SLIT2: variants seen among roughly 807,000 people sequenced by gnomAD.
The protein encoded by SLIT2 is slit homolog 2 protein.
A neutral mutation model predicts 185.7 loss-of-function variants in SLIT2; 41 were observed. That is an observed-to-expected ratio of 0.22 (90% CI 0.17 to 0.29). SLIT2 has a LOEUF of 0.29. Ranked by LOEUF, SLIT2 falls within the 10% of genes least tolerant of loss-of-function variation. The pLI is 1.00. For missense variants in SLIT2, 1,571 were observed against 1,909.0 expected, an observed-to-expected ratio of 0.82 and a Z score of 3.30; for synonymous variants, 693 against 680.2, an observed-to-expected ratio of 1.02 and a Z score of -0.29.
intron 4 of SLIT2, among the ~76,000 whole-genome samples, chr4:20,375,925 C>A: frequency 6.6e-6 from 1 of 151,808 alleles, no homozygotes; most frequent in East Asian, 1.9e-4. Context: ...ACAGAACCAC[C>A]ACGAGCTTGT....
At chr4:20,510,402 C>A in intron 9 of SLIT2, 93 bp from the exon 10 acceptor site, 1 of 824,246 alleles carries the variant, frequency 1.2e-6, no homozygotes, top group South Asian at 1.5e-5. Flanking sequence ...TGAAGAACAT[C>A]AACTTTACTT....
At chr4:20,448,623 A>G (rs576350258) in intron 4 of SLIT2, among the ~76,000 whole-genome samples, 1 of 151,818 alleles carries the variant, frequency 6.6e-6, no homozygotes, top group Non-Finnish European at 1.5e-5. Context: ...AGCTGGCCCC[A>G]AAGTATTATT....
At chr4:20,495,456 G>A (rs1191833726) in intron 9 of SLIT2, among the ~76,000 whole-genome samples, 1 of 152,136 alleles carries the variant, frequency 6.6e-6, no homozygotes, top group Non-Finnish European at 1.5e-5. Context: ...AGAAGAGTAA[G>A]ATGGAGACAT....
intron 3 of SLIT2, among the ~76,000 whole-genome samples, chr4:20,263,236 A>G (rs1385510557): frequency 6.6e-6 from 1 of 151,762 alleles, no homozygotes; most frequent in Non-Finnish European, 1.5e-5. Flanking sequence ...TGTTTTTTCA[A>G]ACCAAGTGTT....
chr4:20,446,127 C>G (rs902988321), intron 4 of SLIT2, among the ~76,000 whole-genome samples: 4 of 152,126 alleles, frequency 2.6e-5, no homozygotes, highest in Non-Finnish European at 5.9e-5. Context: ...TTCCTTTGAC[C>G]TTTCTTCGAA....
At chr4:20,336,997 G>A (rs541236403) in intron 4 of SLIT2, among the ~76,000 whole-genome samples, 6 of 152,180 alleles carry the variant, frequency 3.9e-5, no homozygotes, top group South Asian at 4.1e-4. Context: ...TTTCTTCAGG[G>A]GTCCAATTGC....
intron 11 of SLIT2, among the ~76,000 whole-genome samples, chr4:20,515,446 CT>C (rs1720111202): frequency 6.6e-6 from 1 of 151,982 alleles, no homozygotes; most frequent in African/African-American, 2.4e-5. Flanking sequence ...TCCTTATTTC[CT>C]TAACTAGCTC....
intron 4 of SLIT2, among the ~76,000 whole-genome samples, chr4:20,351,944 T>C (rs1419233077): frequency 1.3e-5 from 2 of 152,214 alleles, no homozygotes; most frequent in African/African-American, 4.8e-5. Flanking sequence ...CATTTATTCT[T>C]GATTGGCATA....
At chr4:20,534,104 G>C (rs773154284) in intron 18 of SLIT2, among the ~76,000 whole-genome samples, 3 of 152,222 alleles carry the variant, frequency 2.0e-5, no homozygotes, top group Admixed American at 6.5e-5. Flanking sequence ...TGACTACCCT[G>C]TCCTGCCTCA....
chr4:20,550,326 T>G (rs910742382), intron 24 of SLIT2, among the ~76,000 whole-genome samples: 1 of 152,000 alleles, frequency 6.6e-6, no homozygotes, highest in Non-Finnish European at 1.5e-5. Flanking sequence ...TCCTTATTAA[T>G]GTAGATATCT....
intron 4 of SLIT2, among the ~76,000 whole-genome samples, chr4:20,387,747 A>C (rs914358380): frequency 1.3e-5 from 2 of 152,114 alleles, no homozygotes; most frequent in African/African-American, 2.4e-5. Context: ...CAGCAAGACA[A>C]TGAAGACCTC....
rs560992909 is a variant in SLIT2, at chr4:20,382,009, A to G, written c.396-85743A>G. ...TTTTAAAAATTTAATAAATCAGTAT[A>G]TCAATAAATAAAAAATGTGATACAT... On this transcript the variant is annotated intron_variant, in intron 4 of 36. Coordinates refer to ENST00000504154, the MANE Select transcript of SLIT2 (RefSeq NM_004787.4). 3.3e-5 allele frequency among the ~76,000 whole-genome samples: 5 copies of G among 152,250 alleles called. No homozygotes were observed. In the East Asian group the frequency reaches 9.7e-4, roughly 29 times the overall value.
In SLIT2 at chr4:20,254,498, G is replaced by A. The variant is rs965146073; in HGVS notation, c.179+504G>A. Among the ~76,000 whole-genome samples, 1 of 152,110 alleles carries A rather than the reference G, an allele frequency of 6.6e-6. No individual in the cohort carries two copies. Among genetic ancestry groups the A allele is most frequent in the Admixed American group, 6.5e-5 (1 of 15,278 alleles). On this transcript the variant is annotated intron_variant, in intron 1 of 36. Transcript: ENST00000504154. The surrounding 1 kb of genome is among the most constrained non-coding windows in gnomAD (Gnocchi z 5.1). ...TTTTGTCACCCTCCTGGGGGCGAAG[G>A]TTAGGAAGAAGGGGTCATGGAGTGC...
intron 5 of SLIT2, among the ~76,000 whole-genome samples, chr4:20,470,261 A>G (rs1394388953): frequency 6.6e-6 from 1 of 152,214 alleles, no homozygotes; most frequent in African/African-American, 2.4e-5. Context: ...TGAAATGATT[A>G]GCAATATTGA....
At chr4:20,598,144 A>G (rs1334562667) in intron 32 of SLIT2, 121 bp from the exon 33 acceptor site, 1 of 837,590 alleles carries the variant, frequency 1.2e-6, no homozygotes, top group Non-Finnish European at 1.8e-6. Context: ...TCGTTTTCTC[A>G]TAGCCATCAG....
intron 4 of SLIT2, among the ~76,000 whole-genome samples, chr4:20,409,654 T>C (rs1727049139): frequency 6.6e-6 from 1 of 152,216 alleles, no homozygotes; most frequent in South Asian, 2.1e-4. Flanking sequence ...CACACTGTGT[T>C]CCACAATGGT....
chr4:20,525,207 C>T (rs370281823), intron 15 of SLIT2, 35 bp downstream of exon 15: 4 of 1,502,312 alleles, frequency 2.7e-6, no homozygotes, highest in Non-Finnish European at 3.7e-6. Context: ...TAACTACAGA[C>T]ACCCTTTCCT....
chr4:20,521,791 ATGTAGCACC>A (rs1475209269), intron 12 of SLIT2, among the ~76,000 whole-genome samples: 1 of 152,196 alleles, frequency 6.6e-6, no homozygotes, highest in African/African-American at 2.4e-5. Flanking sequence ...CATGTTGCTG[ATGTAGCACC>A]TTTAAAAAAA....
intron 4 of SLIT2, among the ~76,000 whole-genome samples, chr4:20,451,631 A>C (rs1187799771): frequency 6.6e-6 from 1 of 152,224 alleles, no homozygotes; most frequent in Non-Finnish European, 1.5e-5. Context: ...CCTTGAATCT[A>C]CTGGGGCTAA....
Sources: gnomAD v4.1 joint callset for allele counts (sites outside exome capture counted in the v4.1 genomes callset) on GRCh38, gnomAD v4.1.1 for gene constraint, Gnocchi (gnomAD v3.1) non-coding constraint, MANE v1.5 for transcripts, NCBI Gene and HGNC (gene_info 2026-07-23, HGNC 2026-07-21) for gene names.